NUBPL: variants seen among roughly 807,000 people sequenced by gnomAD.
NUBPL encodes iron-sulfur cluster transfer protein NUBPL.
A neutral mutation model predicts 45.7 loss-of-function variants in NUBPL; 31 were observed. That is an observed-to-expected ratio of 0.68 (90% confidence interval 0.51 to 0.92). The LOEUF is 0.92. Ranked by LOEUF, NUBPL falls within the 40% of genes least tolerant of loss-of-function variation. The pLI, the probability that NUBPL is intolerant of heterozygous loss-of-function variation, is 0.00. For synonymous variants in NUBPL, 144 were observed against 140.9 expected (o/e 1.02, Z -0.15); for missense variants, 401 against 398.7 (o/e 1.01, Z -0.05).
intron 6 of NUBPL, among the ~76,000 whole-genome samples, chr14:31,696,148 A>G (rs1355595715): frequency 6.6e-6 from 1 of 152,178 alleles, no homozygotes; most frequent in Non-Finnish European, 1.5e-5. Flanking sequence ...TGGCTCTTGG[A>G]GTATTTTTCT....
intron 6 of NUBPL, among the ~76,000 whole-genome samples, chr14:31,735,720 C>T (rs1454705372): frequency 6.6e-6 from 1 of 152,054 alleles, no homozygotes; most frequent in African/African-American, 2.4e-5. Context: ...GGCGTCGTCG[C>T]GCATGCCTGT....
At chr14:31,857,249 A>T (rs775690107) in intron 10 of NUBPL, among the ~76,000 whole-genome samples, 2 of 152,134 alleles carry the variant, frequency 1.3e-5, no homozygotes, top group East Asian at 3.9e-4. Context: ...CCTTTCAGCC[A>T]TGGCTGGAGC....
In NUBPL at chr14:31,798,660, C is replaced by T. The variant is rs191596946; in HGVS notation, c.607+10787C>T. On this transcript the variant is annotated intron_variant, in intron 7 of 10. Transcript: ENST00000281081. ...ACAAAAAATTAGCCGGGCATAGTGG[C>T]GGGCGCCTGTAGTCCTGGCTACTCG... Among the ~76,000 whole-genome samples the T allele has an allele frequency of 2.4e-3, 359 of 151,056 alleles. 1 individual carries two copies. Among genetic ancestry groups the T allele is most frequent in the African/African-American group, 8.0e-3 (329 of 41,244 alleles).
chr14:31,844,728 C>G (rs2040426946), intron 8 of NUBPL: 1 of 152,126 alleles, frequency 6.6e-6, no homozygotes, highest in Non-Finnish European at 1.5e-5. Flanking sequence ...TTCTAATAAT[C>G]TACAATCATA....
At chr14:31,640,451 T>A (rs942695346) in intron 4 of NUBPL, among the ~76,000 whole-genome samples, 4 of 151,346 alleles carry the variant, frequency 2.6e-5, no homozygotes, top group Non-Finnish European at 5.9e-5. Flanking sequence ...AATACAAAAA[T>A]TAGTAAAAAT....
At chr14:31,815,938 A>G (rs986587293) in intron 7 of NUBPL, among the ~76,000 whole-genome samples, 4 of 152,158 alleles carry the variant, frequency 2.6e-5, no homozygotes, top group Admixed American at 6.5e-5. Flanking sequence ...TCGGTTTGCC[A>G]GTATTTTATT....
At chr14:31,646,267 A>G (rs945494737) in intron 4 of NUBPL, among the ~76,000 whole-genome samples, 1 of 151,320 alleles carries the variant, frequency 6.6e-6, no homozygotes, top group African/African-American at 2.4e-5. Context: ...GCTAACTGCA[A>G]CCTCCACTTC....
At chr14:31,655,494 C>T (rs756636033) in intron 4 of NUBPL, among the ~76,000 whole-genome samples, 2 of 152,094 alleles carry the variant, frequency 1.3e-5, no homozygotes, top group Non-Finnish European at 2.9e-5. Flanking sequence ...GGGTGGATTG[C>T]CTGAGTTCAG....
intron 6 of NUBPL, among the ~76,000 whole-genome samples, chr14:31,756,328 A>T (rs2038662672): frequency 6.6e-6 from 1 of 152,092 alleles, no homozygotes; most frequent in Non-Finnish European, 1.5e-5. Flanking sequence ...CTTCCTACCC[A>T]TGAGCATGGA....
At position 31,825,803 on chromosome 14, in the gene NUBPL, T is replaced by TCTCCTC. The variant is rs146422681; in HGVS notation, c.608-814_608-809dup. On this transcript the variant is annotated intron_variant, in intron 7 of 10. Coordinates refer to ENST00000281081, the MANE Select transcript of NUBPL (RefSeq NM_025152.3). ...TTTTTCTTCTTTCTTCATTTCTTCTTCTCCTCCTCCTCCTCCTTCTTCTTC... is the reference window on the plus strand; with the variant it reads ...TTTTTCTTCTTTCTTCATTTCTTCTTCTCCTCCTCCTCCTCCTCCTCCTTCTTCTTC... 2.8e-3 allele frequency among the ~76,000 whole-genome samples: 412 copies of TCTCCTC among 148,390 alleles called. 3 individuals carry two copies. Among genetic ancestry groups the TCTCCTC allele is most frequent in the African/African-American group, 9.8e-3 (384 of 39,230 alleles).
intron 8 of NUBPL, among the ~76,000 whole-genome samples, chr14:31,837,246 G>A (rs536668769): frequency 3.9e-5 from 6 of 152,224 alleles, no homozygotes; most frequent in Admixed American, 1.3e-4. Flanking sequence ...GCCTGAGTCC[G>A]GGAGTTGCAG....
At chr14:31,732,592 G>A (rs2038074470) in intron 6 of NUBPL, among the ~76,000 whole-genome samples, 1 of 143,184 alleles carries the variant, frequency 7.0e-6, no homozygotes, top group Non-Finnish European at 1.5e-5. Flanking sequence ...TGTAAGTCCA[G>A]CTTATCAATT....
intron 10 of NUBPL, among the ~76,000 whole-genome samples, chr14:31,852,865 A>G (rs2040559511): frequency 6.6e-6 from 1 of 152,106 alleles, no homozygotes; most frequent in South Asian, 2.1e-4. Flanking sequence ...GAACTCAAAT[A>G]GAAATGTGCT....
intron 10 of NUBPL, among the ~76,000 whole-genome samples, chr14:31,856,910 G>A (rs2040630896): frequency 6.6e-6 from 1 of 152,184 alleles, no homozygotes; most frequent in Non-Finnish European, 1.5e-5. Flanking sequence ...TGTACAAGTT[G>A]TCAGTGGATC....
intron 3 of NUBPL, among the ~76,000 whole-genome samples, chr14:31,593,197 A>AAT (rs776391003): frequency 6.6e-6 from 1 of 152,176 alleles, no homozygotes; most frequent in Non-Finnish European, 1.5e-5. Flanking sequence ...GTTATATGCA[A>AAT]ATACTATGCC....
chr14:31,615,092 G>T (rs949323184), intron 4 of NUBPL, among the ~76,000 whole-genome samples: 2 of 152,090 alleles, frequency 1.3e-5, no homozygotes, highest in South Asian at 2.1e-4. Context: ...GAGGTGACTG[G>T]ATCATGGGGG....
intron 7 of NUBPL, among the ~76,000 whole-genome samples, chr14:31,820,891 T>G (rs1595677762): frequency 6.8e-6 from 1 of 146,140 alleles, no homozygotes; most frequent in African/African-American, 2.5e-5. Context: ...GAAGCTGAGG[T>G]GGGTGGATCA....
intron 3 of NUBPL, among the ~76,000 whole-genome samples, chr14:31,570,090 C>T (rs1420091507): frequency 6.6e-6 from 1 of 152,160 alleles, no homozygotes; most frequent in Non-Finnish European, 1.5e-5. Context: ...CTCTAACACT[C>T]ATTGCCAGAC....
intron 4 of NUBPL, among the ~76,000 whole-genome samples, chr14:31,643,228 G>A (rs1421228178): frequency 6.6e-6 from 1 of 152,082 alleles, no homozygotes; most frequent in Non-Finnish European, 1.5e-5. Context: ...ATCTTGTCTT[G>A]TTCCAGATCT....
Sources: gnomAD v4.1 joint callset for allele counts (sites outside exome capture counted in the v4.1 genomes callset) on GRCh38, gnomAD v4.1.1 for gene constraint, MANE v1.5 for transcripts, NCBI Gene and HGNC (gene_info 2026-07-23, HGNC 2026-07-21) for gene names.